The following PARP9 variants were observed in gnomAD, a reference collection of about 807,000 sequenced individuals.
The protein encoded by PARP9 is poly(ADP-ribose) polymerase family member 9, also known as protein mono-ADP-ribosyltransferase PARP9.
Under a neutral mutation model 68.8 loss-of-function variants are expected in PARP9, and 48 were observed. The ratio of observed to expected loss-of-function variants is 0.70; its 90% confidence interval spans 0.55 to 0.89. The LOEUF is 0.89. Ranked by LOEUF, PARP9 falls within the 40% of genes least tolerant of loss-of-function variation. The pLI, the probability that PARP9 is intolerant of heterozygous loss-of-function variation, is 0.00. For synonymous variants in PARP9, 309 were observed against 333.8 expected (o/e 0.93, Z 0.81); for missense variants, 806 against 969.3 (o/e 0.83, Z 2.24).
At chr3:122,530,098 A>C (rs374884586) in intron 10 of PARP9, among the ~76,000 whole-genome samples, 14 of 149,104 alleles carry the variant, frequency 9.4e-5, no homozygotes, top group African/African-American at 3.2e-4. Flanking sequence ...GACTGATTGA[A>C]CTCAGGAGGT....
intron 8 of PARP9, among the ~76,000 whole-genome samples, chr3:122,537,542 T>A (rs2077744579): frequency 6.6e-6 from 1 of 152,224 alleles, no homozygotes; most frequent in African/African-American, 2.4e-5. Context: ...CACGTAATAA[T>A]TAACACAATT....
chr3:122,532,390 C>A, intron 10 of PARP9: 1 of 985,244 alleles, frequency 1.0e-6, no homozygotes, highest in Non-Finnish European at 1.2e-6. Flanking sequence ...AGACAACCCT[C>A]CCCACAATGC....
At chr3:122,542,507 C>T (rs552725508) in intron 7 of PARP9, among the ~76,000 whole-genome samples, 27 of 151,694 alleles carry the variant, frequency 1.8e-4, no homozygotes, top group African/African-American at 6.5e-4. Context: ...CCCGGGTTCA[C>T]ACCAGGCTGT....
intron 10 of PARP9, chr3:122,534,554 G>T: frequency 1.7e-6 from 1 of 594,668 alleles, no homozygotes; most frequent in Non-Finnish European, 2.1e-6. Context: ...TAATGAGTAT[G>T]TTGGGGGCAG....
chr3:122,547,011 T>C (rs12493872), intron 6 of PARP9, among the ~76,000 whole-genome samples: 1,664 of 81,786 alleles, frequency 0.02, 34 homozygotes, highest in Middle Eastern at 0.073. Context: ...TATATATATA[T>C]ATACACACAC....
chr3:122,548,391 C>T (rs1367476423), intron 6 of PARP9, among the ~76,000 whole-genome samples: 2 of 152,200 alleles, frequency 1.3e-5, no homozygotes, highest in African/African-American at 4.8e-5. Flanking sequence ...CCTCTATATC[C>T]AAAATCCAGA....
chr3:122,564,676 G>A (rs2080522776), upstream of PARP9: 2 of 1,542,974 alleles, frequency 1.3e-6, no homozygotes. Flanking sequence ...GTTTCCAGGC[G>A]GACCCAGTTC....
chr3:122,543,888 GGC>G (rs1310642655), intron 7 of PARP9, among the ~76,000 whole-genome samples: 33 of 152,378 alleles, frequency 2.2e-4, no homozygotes, highest in Non-Finnish European at 4.0e-4. Context: ...TGGGATTACA[GGC>G]TTGAGCCGCC....
chr3:122,551,807 G>T (rs2079224031), intron 5 of PARP9, among the ~76,000 whole-genome samples: 1 of 152,228 alleles, frequency 6.6e-6, no homozygotes, highest in Non-Finnish European at 1.5e-5. Flanking sequence ...CGAGGTCACT[G>T]GGTATGTTGG....
chr3:122,550,908 A>G lies in PARP9; in HGVS notation c.1108-106T>C, dbSNP rs568902409. Reference sequence around the variant, plus strand: ...ACAATGTCCACCTTCACCCTCCCTCAGGGTTCGTGTCCCTGCCTCCTCAGA... The same window carrying G: ...ACAATGTCCACCTTCACCCTCCCTCGGGGTTCGTGTCCCTGCCTCCTCAGA... On this transcript the variant is annotated intron_variant, in intron 5 of 10. Transcript: ENST00000682323. 5.1e-5 allele frequency: 51 copies of G among 1,004,332 alleles called. No homozygotes were observed. The East Asian group carries it at 1.3e-3, about 25-fold the overall frequency. 62.2% of individuals were successfully genotyped at this position (1,004,332 alleles called of 1,614,324 possible).
In PARP9 at chr3:122,537,043, TG is replaced by T. The variant is rs762837430; in HGVS notation, c.1795del (p.Gln599LysfsTer4). 6.2e-7 allele frequency: 1 copy of T among 1,613,756 alleles called. No individual in the cohort carries two copies. The highest frequency in any genetic ancestry group is 8.5e-7 in the Non-Finnish European group (1 of 1,179,756). On this transcript the variant is annotated frameshift_variant, in exon 9 of 11. Coordinates refer to ENST00000682323, the MANE Select transcript of PARP9 (RefSeq NM_001146105.2). LOFTEE classifies it high-confidence loss of function. The stretch of plus-strand genomic sequence containing the variant: ...TATGATATTTTCTTTCATTTCGTCT[TG>T]GGTTTTTTGTTGCTGAATAGTCCAC... ...GQWTIQQQKT[Q>X]DEMKENIIFL... is the part of the protein sequence containing the mutation.
intron 7 of PARP9, among the ~76,000 whole-genome samples, chr3:122,542,818 C>T (rs888343107): frequency 2.0e-5 from 3 of 152,034 alleles, no homozygotes; most frequent in Non-Finnish European, 4.4e-5. Context: ...GTTGGCAAAG[C>T]GAGCACTATT....
At chr3:122,531,571 C>T (rs1197392881) in intron 10 of PARP9, among the ~76,000 whole-genome samples, 1 of 152,168 alleles carries the variant, frequency 6.6e-6, no homozygotes, top group African/African-American at 2.4e-5. Context: ...GCCTGGCCAA[C>T]ATGGTGAAAC....
At chr3:122,547,878 A>G (rs975995261) in intron 6 of PARP9, among the ~76,000 whole-genome samples, 1 of 152,080 alleles carries the variant, frequency 6.6e-6, no homozygotes, top group Non-Finnish European at 1.5e-5. Flanking sequence ...AAAAAAAGAA[A>G]TAGTTCAGGG....
chr3:122,530,529 G>C (rs772678272), intron 10 of PARP9, among the ~76,000 whole-genome samples: 26 of 151,844 alleles, frequency 1.7e-4, no homozygotes, highest in African/African-American at 6.3e-4. Flanking sequence ...ATCTTCTTTG[G>C]GGTATTAAAA....
chr3:122,545,737 T>TA (rs1220919800), intron 6 of PARP9: 1 of 487,290 alleles, frequency 2.1e-6, no homozygotes, highest in African/African-American at 1.9e-5. Context: ...AAGAAGACTA[T>TA]ACATTCCGAG....
Position 122,550,491 on chromosome 3 carries a change from C to T in PARP9, c.1326+93G>A, listed in dbSNP as rs560704757. The T allele has an allele frequency of 6.8e-5, 72 of 1,051,668 alleles. 1 individual carries two copies. The East Asian group carries it at 1.5e-3, about 21-fold the overall frequency. The allele number at this position is 1,051,668 out of a possible 1,614,324, so 65.1% of individuals were successfully genotyped here. On this transcript the variant is annotated intron_variant, in intron 6 of 10. Coordinates refer to ENST00000682323, the MANE Select transcript of PARP9 (RefSeq NM_001146105.2). ...CACTGTACAGCACCTAGCCCTGCATCCCCTGCATCTTACATTGTAGATACT... is the reference window on the plus strand; with the variant it reads ...CACTGTACAGCACCTAGCCCTGCATTCCCTGCATCTTACATTGTAGATACT...
intron 7 of PARP9, among the ~76,000 whole-genome samples, chr3:122,541,479 C>T (rs1298068132): frequency 6.6e-6 from 1 of 152,130 alleles, no homozygotes; most frequent in Admixed American, 6.5e-5. Flanking sequence ...AGTATTATTT[C>T]CTGCTGAATA....
At chr3:122,541,120 G>A (rs1185770209) in intron 7 of PARP9, among the ~76,000 whole-genome samples, 1 of 152,220 alleles carries the variant, frequency 6.6e-6, no homozygotes, top group Admixed American at 6.5e-5. Flanking sequence ...TCAATCTCCC[G>A]ACCTCGTGAT....
Sources: allele counts gnomAD v4.1 joint callset (sites outside exome capture counted in the v4.1 genomes callset), GRCh38; gene constraint gnomAD v4.1.1; transcripts MANE v1.5; gene names NCBI Gene and HGNC (gene_info 2026-07-23, HGNC 2026-07-21).